Variants in TRPM6 observed in about 807,000 individuals in gnomAD.
TRPM6 encodes channel kinase 2.
A neutral mutation model predicts 247.6 loss-of-function variants in TRPM6; 111 were observed. The observed-to-expected ratio is 0.45, with a 90% CI of 0.38 to 0.52. The LOEUF (loss-of-function observed/expected upper bound fraction) is 0.52, where lower values mean the gene tolerates loss of function less well. Ranked by LOEUF, TRPM6 falls within the 20% of genes least tolerant of loss-of-function variation. The probability of loss-of-function intolerance (pLI) is 0.00; values close to 1 mark genes in which losing one functional copy is unlikely to be tolerated. For missense variants in TRPM6, 2,126 were observed against 2,421.5 expected (o/e 0.88, Z 2.56); for synonymous variants, 892 against 853.8 (o/e 1.04, Z -0.78).
chr9:74,772,253 G>C (rs1394510927), intron 24 of TRPM6, among the ~76,000 whole-genome samples: 1 of 152,132 alleles, frequency 6.6e-6, no homozygotes, highest in Non-Finnish European at 1.5e-5. Flanking sequence ...ACTCCAGCAT[G>C]GGCTAAAAAG....
chr9:74,725,955 T>C (rs1563984863), intron 38 of TRPM6, among the ~76,000 whole-genome samples: 1 of 152,208 alleles, frequency 6.6e-6, no homozygotes, highest in Admixed American at 6.5e-5. Context: ...ATTAAAATGT[T>C]TGAGTTCAGC....
At chr9:74,803,736 A>C (rs532096399) in intron 15 of TRPM6, 58 bp downstream of exon 15, 1 of 1,188,000 alleles carries the variant, frequency 8.4e-7, no homozygotes, top group South Asian at 1.2e-5. Flanking sequence ...AAATGAAGAA[A>C]CAGTCTCGAG....
rs964237340 is a variant in TRPM6, at chr9:74,800,028, G to A, written c.2238+226C>T. The A allele has an allele frequency of 8.9e-6, 5 of 560,762 alleles. No homozygotes were observed. The Admixed American group carries it at 1.5e-4, about 17-fold the overall frequency. The allele number at this position is 560,762 out of a possible 1,614,324, so 34.7% of individuals were successfully genotyped here. On this transcript the variant is annotated intron_variant, in intron 17 of 38. Transcript: ENST00000360774. ...ATGTGCATCCCTCCCAAAGCTGCAC[G>A]CTCTGTCGCTCAGTCGCAGAAGACG... is the stretch of plus-strand genomic sequence containing the variant.
chr9:74,761,951 A>G, intron 26 of TRPM6, 48 bp downstream of exon 26: 1 of 1,582,880 alleles, frequency 6.3e-7, no homozygotes, highest in Non-Finnish European at 8.7e-7. Flanking sequence ...CAAAACCAGT[A>G]GCAATGCAAA....
At chr9:74,887,384 C>G (rs1831570569) in intron 1 of TRPM6, 1 of 1,399,686 alleles carries the variant, frequency 7.1e-7, no homozygotes, top group Non-Finnish European at 9.3e-7. Flanking sequence ...GGTCTGAGAT[C>G]TGTGCCCGTG....
intron 18 of TRPM6, among the ~76,000 whole-genome samples, chr9:74,793,011 G>A (rs1264182157): frequency 6.6e-6 from 1 of 152,160 alleles, no homozygotes; most frequent in Middle Eastern, 3.4e-3. Flanking sequence ...ATAAAAATAA[G>A]TAGAGTGTGG....
chr9:74,872,600 T>TTGTGTGTGTG (rs59577843), intron 1 of TRPM6, among the ~76,000 whole-genome samples: 7,412 of 150,104 alleles, frequency 0.049, 342 homozygotes, highest in African/African-American at 0.11. Context: ...CCAGCAAATT[T>TTGTGTGTGTG]TGTGTGTGTG....
chr9:74,796,571 C>A (rs1026330004), intron 18 of TRPM6, among the ~76,000 whole-genome samples, 170 bp downstream of exon 18: 2 of 152,138 alleles, frequency 1.3e-5, no homozygotes, highest in African/African-American at 4.8e-5. Flanking sequence ...CTTGATTGGT[C>A]AGAGGCATTT....
intron 37 of TRPM6, among the ~76,000 whole-genome samples, chr9:74,731,785 G>A (rs1825530539): frequency 1.3e-5 from 2 of 151,600 alleles, no homozygotes; most frequent in African/African-American, 4.8e-5. Flanking sequence ...AAGTAAAAAT[G>A]TATGCTGGCA....
At chr9:74,877,116 G>A (rs909154049) in intron 1 of TRPM6, among the ~76,000 whole-genome samples, 15 of 152,162 alleles carry the variant, frequency 9.9e-5, no homozygotes, top group African/African-American at 3.6e-4. Flanking sequence ...TGGATTGCTG[G>A]TGATTATGTA....
chr9:74,813,601 T>C (rs1828815108), intron 11 of TRPM6, among the ~76,000 whole-genome samples: 1 of 152,276 alleles, frequency 6.6e-6, no homozygotes, highest in South Asian at 2.1e-4. Context: ...GGCAGTCAGA[T>C]CACCCTACTG....
intron 1 of TRPM6, 157 bp downstream of exon 1, chr9:74,887,667 G>T: frequency 6.3e-7 from 1 of 1,599,582 alleles, no homozygotes; most frequent in South Asian, 1.1e-5. Flanking sequence ...GGAGACCAGA[G>T]AACTTGAAAG....
At chr9:74,769,287 A>C (rs1349250507) in intron 25 of TRPM6, among the ~76,000 whole-genome samples, 1 of 152,092 alleles carries the variant, frequency 6.6e-6, no homozygotes, top group East Asian at 1.9e-4. Flanking sequence ...CTGGGACTAC[A>C]GGCATGTGCC....
chr9:74,836,273 C>A (rs775882432), intron 5 of TRPM6, among the ~76,000 whole-genome samples: 1 of 152,162 alleles, frequency 6.6e-6, no homozygotes, highest in Admixed American at 6.5e-5. Flanking sequence ...CACAATACTG[C>A]ATTGTAAGAC....
At chr9:74,826,736 CTTTT>C (rs561369498) in intron 7 of TRPM6, 203 of 52,118 alleles carry the variant, frequency 3.9e-3, no homozygotes, top group African/African-American at 7.5e-3. Context: ...CTTTTTCTTT[CTTTT>C]TTTTTTTTTT....
intron 1 of TRPM6, among the ~76,000 whole-genome samples, chr9:74,863,644 C>T (rs966590119): frequency 2.0e-4 from 31 of 152,254 alleles, no homozygotes; most frequent in Non-Finnish European, 2.9e-4. Flanking sequence ...TGCAATGGCG[C>T]GATCTCGGCT....
At chr9:74,811,090 T>C (rs1828713753) in intron 12 of TRPM6, among the ~76,000 whole-genome samples, 1 of 152,196 alleles carries the variant, frequency 6.6e-6, no homozygotes, top group Admixed American at 6.5e-5. Context: ...ATGTAGATAA[T>C]AAAGACTTTA....
intron 6 of TRPM6, among the ~76,000 whole-genome samples, chr9:74,829,351 A>G (rs1587552013): frequency 6.6e-6 from 1 of 152,198 alleles, no homozygotes; most frequent in African/African-American, 2.4e-5. Flanking sequence ...TATTTCATTC[A>G]TTATAAAACA....
intron 5 of TRPM6, 126 bp downstream of exon 5, chr9:74,839,898 G>C (rs866855851): frequency 4.9e-6 from 3 of 615,552 alleles, no homozygotes; most frequent in African/African-American, 2.7e-5. Context: ...AGGAAGGAGG[G>C]AGGGAGGGAG....
Sources: allele counts gnomAD v4.1 joint callset (sites outside exome capture counted in the v4.1 genomes callset), GRCh38; gene constraint gnomAD v4.1.1; transcripts MANE v1.5; gene names NCBI Gene and HGNC (gene_info 2026-07-23, HGNC 2026-07-21).